Variants in EXOC4 observed in about 807,000 individuals in gnomAD.
EXOC4 encodes exocyst complex component 4, also known as SEC8-like 1.
EXOC4 carries 71 observed loss-of-function variants against 107.2 expected under a neutral mutation model. The observed-to-expected ratio is 0.66, with a 90% CI of 0.55 to 0.81. EXOC4 has a LOEUF of 0.81. Among genes scored for constraint, EXOC4 ranks in the 30% least tolerant of loss-of-function variants. EXOC4 has a pLI of 0.00. For synonymous variants in EXOC4, 456 were observed against 441.2 expected (o/e 1.03, Z -0.42); for missense variants, 1,108 against 1,189.6 (o/e 0.93, Z 1.01).
At chr7:133,609,610 A>G (rs1318168997) in intron 9 of EXOC4, among the ~76,000 whole-genome samples, 1 of 152,234 alleles carries the variant, frequency 6.6e-6, no homozygotes, top group Non-Finnish European at 1.5e-5. Context: ...AAGCATAGTT[A>G]TAACTAAACT....
At chr7:133,447,796 TACAGGCATTGTC>T (rs1287249257) in intron 7 of EXOC4, among the ~76,000 whole-genome samples, 1 of 152,162 alleles carries the variant, frequency 6.6e-6, no homozygotes, top group Non-Finnish European at 1.5e-5. Context: ...GTGTACCTAA[TACAGGCATTGTC>T]ACAGGTTATG....
rs940858725 is a variant in EXOC4 at position 134,024,474 on chromosome 7, G to A, written c.2687+16639G>A. On this transcript the variant is annotated intron_variant, in intron 17 of 17. Coordinates refer to ENST00000253861, the MANE Select transcript of EXOC4 (RefSeq NM_021807.4). Reference sequence around the variant, plus strand: ...TCAAAAAAAAAAAAGAAGCTAGTATGTTTTTAATTAATTTAAAATATTCAC... The same window carrying A: ...TCAAAAAAAAAAAAGAAGCTAGTATATTTTTAATTAATTTAAAATATTCAC... Among the ~76,000 whole-genome samples the A allele has an allele frequency of 4.0e-5, 6 of 151,664 alleles. No homozygotes were observed. In the South Asian group the frequency reaches 1.2e-3, roughly 32 times the overall value.
At chr7:133,397,406 T>C (rs1356929619) in intron 7 of EXOC4, among the ~76,000 whole-genome samples, 1 of 151,988 alleles carries the variant, frequency 6.6e-6, no homozygotes, top group Non-Finnish European at 1.5e-5. Flanking sequence ...AGTGCTGGGA[T>C]TACAGGTGTG....
At chr7:133,351,060 T>C (rs2150646191) in intron 5 of EXOC4, among the ~76,000 whole-genome samples, 1 of 152,110 alleles carries the variant, frequency 6.6e-6, no homozygotes, top group Admixed American at 6.6e-5. Context: ...AGAAATGCAA[T>C]GGACTTGATC....
At chr7:133,283,894 T>G (rs781039622) in intron 2 of EXOC4, among the ~76,000 whole-genome samples, 9 of 152,184 alleles carry the variant, frequency 5.9e-5, no homozygotes, top group African/African-American at 9.7e-5. Flanking sequence ...GTTTTTGAGA[T>G]TCTTCATTGT....
intron 9 of EXOC4, among the ~76,000 whole-genome samples, chr7:133,524,530 A>G (rs1265784592): frequency 7.2e-6 from 1 of 138,936 alleles, no homozygotes; most frequent in Non-Finnish European, 1.5e-5. Flanking sequence ...CTATGTCCTG[A>G]ATGGTAATGC....
At chr7:133,798,148 T>A (rs1796855268) in intron 10 of EXOC4, among the ~76,000 whole-genome samples, 1 of 151,986 alleles carries the variant, frequency 6.6e-6, no homozygotes, top group Non-Finnish European at 1.5e-5. Flanking sequence ...AGAAACCAGC[T>A]GCTTTCAGAT....
chr7:133,606,103 G>A (rs1188496321), intron 9 of EXOC4, among the ~76,000 whole-genome samples: 2 of 152,094 alleles, frequency 1.3e-5, no homozygotes, highest in East Asian at 3.9e-4. Context: ...ATTTTAAGAA[G>A]GTAGTTTCCA....
At chr7:133,820,383 C>T (rs1020760699) in intron 11 of EXOC4, among the ~76,000 whole-genome samples, 1 of 151,742 alleles carries the variant, frequency 6.6e-6, no homozygotes, top group Non-Finnish European at 1.5e-5. Flanking sequence ...TAATAATTCC[C>T]CATACTCAAG....
At chr7:134,008,117 A>T (rs1781205709) in intron 17 of EXOC4, among the ~76,000 whole-genome samples, 1 of 152,188 alleles carries the variant, frequency 6.6e-6, no homozygotes, top group Non-Finnish European at 1.5e-5. Flanking sequence ...ATACATGCTC[A>T]TTGCATAAAA....
In EXOC4 at chr7:133,861,683, G is replaced by A. The variant is rs542719743; in HGVS notation, c.1735-33916G>A. Among the ~76,000 whole-genome samples, 169 of 152,132 alleles carry A rather than the reference G, an allele frequency of 1.1e-3. No individual in the cohort carries two copies. In the South Asian group the frequency reaches 0.018, roughly 16 times the overall value. ...CAAGTAGCTGGGGTTACAGGAGCCC[G>A]CCACCATGCCTGGCTAATTTTTGTA... On this transcript the variant is annotated intron_variant, in intron 11 of 17. Coordinates refer to ENST00000253861, the MANE Select transcript of EXOC4 (RefSeq NM_021807.4).
chr7:133,370,143 TC>T lies in EXOC4; in HGVS notation c.1008-4678del, dbSNP rs559269641. Among the ~76,000 whole-genome samples, 248 of 37,740 alleles carry T rather than the reference TC, an allele frequency of 6.6e-3. 1 individual carries two copies. Among genetic ancestry groups the T allele is most frequent in the Non-Finnish European group, 8.7e-3 (155 of 17,750 alleles). The allele number at this position is 37,740 out of a possible 152,430, so 24.8% of individuals were successfully genotyped here. A position where few individuals can be genotyped will look rare whatever the true frequency, so the allele number is the denominator to read the frequency against. On this transcript the variant is annotated intron_variant, in intron 6 of 17. Transcript: ENST00000253861. Reference sequence around the variant, plus strand: ...AATTCTCTCTCCCCCCCGCCCACCCTCCCCCCCAAAAGCATAAACCAAAGAG... The same window carrying T: ...AATTCTCTCTCCCCCCCGCCCACCCTCCCCCCAAAAGCATAAACCAAAGAG...
chr7:133,425,249 CA>C, intron 7 of EXOC4, among the ~76,000 whole-genome samples: 1 of 152,248 alleles, frequency 6.6e-6, no homozygotes, highest in East Asian at 1.9e-4. Flanking sequence ...CTAAGGCCCC[CA>C]AGTCATTTGA....
intron 13 of EXOC4, among the ~76,000 whole-genome samples, chr7:133,927,009 T>C (rs1800066671): frequency 6.6e-6 from 1 of 152,136 alleles, no homozygotes; most frequent in Non-Finnish European, 1.5e-5. Context: ...GAAAGCAGGT[T>C]TGCACTTTTA....
chr7:133,690,344 C>T (rs781192063), intron 10 of EXOC4, among the ~76,000 whole-genome samples: 12 of 152,198 alleles, frequency 7.9e-5, no homozygotes, highest in Non-Finnish European at 1.3e-4. Context: ...TAAAAGCCCT[C>T]GTGAGATACC....
intron 17 of EXOC4, among the ~76,000 whole-genome samples, chr7:134,030,653 C>A (rs1024231126): frequency 4.6e-5 from 7 of 151,928 alleles, no homozygotes. Context: ...GGGTAATAAA[C>A]CTTGTTGACC....
chr7:133,923,128 C>CTTTTTT (rs35715979), intron 13 of EXOC4, among the ~76,000 whole-genome samples: 1 of 126,524 alleles, frequency 7.9e-6, no homozygotes, highest in African/African-American at 3.0e-5. Context: ...AGAGTTTACA[C>CTTTTTT]TTTTTTTTTT....
rs191876526 is a variant in EXOC4 at position 134,042,991 on chromosome 7, A to C, written c.2688-21300A>C. 2.4e-3 allele frequency among the ~76,000 whole-genome samples: 373 copies of C among 152,264 alleles called. 1 individual carries two copies. Among genetic ancestry groups the C allele is most frequent in the Non-Finnish European group, 3.9e-3 (265 of 68,028 alleles). On this transcript the variant is annotated intron_variant, in intron 17 of 17. Transcript: ENST00000253861. ...GGGAGGTGGAGGTTGCAGTTAGCCG[A>C]GATTGTGCCACTACACTCCAGCCTG... is the stretch of plus-strand genomic sequence containing the variant.
intron 9 of EXOC4, among the ~76,000 whole-genome samples, chr7:133,556,949 T>C (rs1320417446): frequency 6.6e-6 from 1 of 152,096 alleles, no homozygotes; most frequent in South Asian, 2.1e-4. Context: ...TCTGTTTCAG[T>C]GAGTGAGTGA....
Sources: allele counts gnomAD v4.1 joint callset (sites outside exome capture counted in the v4.1 genomes callset), GRCh38; gene constraint gnomAD v4.1.1; transcripts MANE v1.5; gene names NCBI Gene and HGNC (gene_info 2026-07-23, HGNC 2026-07-21).